The following ACOXL variants were observed in gnomAD, a reference collection of about 807,000 sequenced individuals.
The protein encoded by ACOXL is acyl-coenzyme A oxidase-like protein.
In ACOXL, 70 loss-of-function variants were observed where a neutral mutation model predicts 71.9. The observed-to-expected ratio is 0.97, with a 90% confidence interval of 0.80 to 1.19. The LOEUF is 1.19. ACOXL is among the 50% of genes most tolerant of loss of function. ACOXL has a pLI of 0.00. For synonymous variants in ACOXL, 253 were observed against 281.6 expected, an observed-to-expected ratio of 0.90 and a Z score of 1.02; for missense variants, 703 against 736.3, an observed-to-expected ratio of 0.95 and a Z score of 0.52.
intron 3 of ACOXL, among the ~76,000 whole-genome samples, chr2:110,786,308 G>C (rs1279628366): frequency 6.6e-6 from 1 of 152,160 alleles, no homozygotes; most frequent in Non-Finnish European, 1.5e-5. Flanking sequence ...ATTGTCTATT[G>C]GTAGGTAGGA....
At chr2:110,805,423 A>T in intron 9 of ACOXL, 28 bp downstream of exon 9, 1 of 1,613,922 alleles carries the variant, frequency 6.2e-7, no homozygotes, top group Non-Finnish European at 8.5e-7. Flanking sequence ...TAACTTAATT[A>T]TCTACTGTGA....
chr2:111,013,243 G>A (rs1191401679), intron 14 of ACOXL, among the ~76,000 whole-genome samples: 1 of 152,038 alleles, frequency 6.6e-6, no homozygotes, highest in Admixed American at 6.5e-5. Flanking sequence ...AAAAAATGGG[G>A]GCCAGGTGCG....
At chr2:110,829,410 A>T (rs1433526779) in intron 9 of ACOXL, among the ~76,000 whole-genome samples, 1 of 151,838 alleles carries the variant, frequency 6.6e-6, no homozygotes, top group African/African-American at 2.4e-5. Context: ...TGACTGGGTT[A>T]CTCCTCGGGA....
chr2:110,911,822 T>C (rs2059661729), intron 11 of ACOXL, among the ~76,000 whole-genome samples: 1 of 152,092 alleles, frequency 6.6e-6, no homozygotes, highest in South Asian at 2.1e-4. Flanking sequence ...ATATCTAATT[T>C]TTCCATGTCT....
At chr2:110,926,877 CCTGAAATGAAAT>C (rs1366015410) in intron 11 of ACOXL, among the ~76,000 whole-genome samples, 1 of 152,196 alleles carries the variant, frequency 6.6e-6, no homozygotes, top group East Asian at 1.9e-4. Flanking sequence ...CAGCGCCCTA[CCTGAAATGAAAT>C]CTAAATTCCT....
intron 17 of ACOXL, among the ~76,000 whole-genome samples, chr2:111,106,518 T>C (rs2069550135): frequency 1.3e-5 from 2 of 152,222 alleles, no homozygotes; most frequent in Admixed American, 1.3e-4. Context: ...ACTATCTCTG[T>C]CATGTTGGCA....
chr2:111,116,947 G>A (rs2070399756), intron 17 of ACOXL, among the ~76,000 whole-genome samples: 1 of 152,188 alleles, frequency 6.6e-6, no homozygotes, highest in Non-Finnish European at 1.5e-5. Flanking sequence ...CCTTCCAGTG[G>A]CTGCCAGAAC....
At chr2:110,830,308 A>C (rs145826111) in intron 9 of ACOXL, among the ~76,000 whole-genome samples, 1 of 152,244 alleles carries the variant, frequency 6.6e-6, no homozygotes, top group East Asian at 1.9e-4. Flanking sequence ...ATTACCTAAC[A>C]TCAGGTATTG....
At chr2:110,915,522 C>T (rs1454537323) in intron 11 of ACOXL, among the ~76,000 whole-genome samples, 4 of 149,496 alleles carry the variant, frequency 2.7e-5, no homozygotes, top group Non-Finnish European at 5.9e-5. Flanking sequence ...CTCCCAGGTT[C>T]AAGCAATTCT....
chr2:111,102,595 A>C (rs2069242233), intron 17 of ACOXL, among the ~76,000 whole-genome samples: 1 of 152,054 alleles, frequency 6.6e-6, no homozygotes, highest in Non-Finnish European at 1.5e-5. Context: ...CAGGATGCAC[A>C]GTGAGAATTT....
intron 16 of ACOXL, among the ~76,000 whole-genome samples, chr2:111,079,870 G>T (rs1433861649): frequency 3.7e-5 from 4 of 109,382 alleles, no homozygotes; most frequent in Admixed American, 1.8e-4. Context: ...AGTGTGAAAG[G>T]CCAAAAAAAA....
chr2:110,799,752 G>A (rs182557904), intron 7 of ACOXL, among the ~76,000 whole-genome samples: 37 of 152,284 alleles, frequency 2.4e-4, no homozygotes, highest in African/African-American at 2.4e-5. Context: ...ATTGTGAAAC[G>A]CACCAGTCAG....
chr2:110,838,002 A>G (rs902971143), intron 9 of ACOXL, among the ~76,000 whole-genome samples: 4 of 152,142 alleles, frequency 2.6e-5, no homozygotes, highest in African/African-American at 7.2e-5. Context: ...ACCAGCAACA[A>G]AGGGGTCAAT....
At chr2:110,954,998 C>T (rs2061445934) in intron 12 of ACOXL, among the ~76,000 whole-genome samples, 1 of 151,960 alleles carries the variant, frequency 6.6e-6, no homozygotes, top group Admixed American at 6.6e-5. Context: ...TCATGGCAAT[C>T]TGTTTTTTCT....
At chr2:110,832,289 A>G (rs1193213423) in intron 9 of ACOXL, among the ~76,000 whole-genome samples, 1 of 152,238 alleles carries the variant, frequency 6.6e-6, no homozygotes, top group Non-Finnish European at 1.5e-5. Context: ...CTGTAATCCC[A>G]GCACTTTGGG....
intron 16 of ACOXL, among the ~76,000 whole-genome samples, chr2:111,050,776 G>A (rs1042002699): frequency 1.4e-4 from 22 of 152,200 alleles, no homozygotes; most frequent in African/African-American, 4.8e-4. Context: ...GCTTCTAGTG[G>A]TCCTCATGGC....
intron 10 of ACOXL, chr2:110,887,951 T>G (rs1354097067): frequency 6.6e-6 from 1 of 152,240 alleles, no homozygotes; most frequent in African/African-American, 2.4e-5. Context: ...TTCCCAACGT[T>G]TATTTGAAGA....
intron 11 of ACOXL, among the ~76,000 whole-genome samples, chr2:110,916,361 A>G (rs2059860562): frequency 1.3e-5 from 2 of 152,182 alleles, no homozygotes; most frequent in Non-Finnish European, 2.9e-5. Flanking sequence ...TTTGAAACCA[A>G]TGAGAGCAAA....
At chr2:110,764,212 G>A (rs1680753764) in intron 1 of ACOXL, among the ~76,000 whole-genome samples, 1 of 152,138 alleles carries the variant, frequency 6.6e-6, no homozygotes, top group Non-Finnish European at 1.5e-5. Context: ...CCTGCACATG[G>A]ATATTTATAG....
Sources: gnomAD v4.1 joint callset for allele counts (sites outside exome capture counted in the v4.1 genomes callset) on GRCh38, gnomAD v4.1.1 for gene constraint, MANE v1.5 for transcripts, NCBI Gene and HGNC (gene_info 2026-07-23, HGNC 2026-07-21) for gene names.